The following CSMD1 variants were observed in gnomAD, a reference collection of about 807,000 sequenced individuals.
CSMD1 encodes CUB and sushi domain-containing protein 1.
In CSMD1, 213 loss-of-function variants were observed where a neutral mutation model predicts 417.5. The observed-to-expected ratio is 0.51, with a 90% confidence interval of 0.46 to 0.57. The LOEUF is 0.57. Ranked by LOEUF, CSMD1 falls within the 20% of genes least tolerant of loss-of-function variation. The probability of loss-of-function intolerance (pLI) is 0.00; values close to 1 mark genes in which losing one functional copy is unlikely to be tolerated. For synonymous variants in CSMD1, 2,862 were observed against 1,736.8 expected, an observed-to-expected ratio of 1.65 and a Z score of -16.11; for missense variants, 6,923 against 4,529.7, an observed-to-expected ratio of 1.53 and a Z score of -15.17.
intron 1 of CSMD1, among the ~76,000 whole-genome samples, chr8:4,653,993 C>G (rs185540514): frequency 1.3e-5 from 2 of 152,088 alleles, no homozygotes; most frequent in East Asian, 1.9e-4. Flanking sequence ...AGGTTCCATT[C>G]AAATATAAAG....
At chr8:4,221,558 C>G (rs1026994610) in intron 3 of CSMD1, among the ~76,000 whole-genome samples, 1 of 152,078 alleles carries the variant, frequency 6.6e-6, no homozygotes, top group Non-Finnish European at 1.5e-5. Context: ...AGCAGGAGGC[C>G]TCAGATGTGT....
At chr8:4,851,981 G>C (rs1024036583) in intron 1 of CSMD1, among the ~76,000 whole-genome samples, 51 of 152,236 alleles carry the variant, frequency 3.4e-4, no homozygotes, top group African/African-American at 1.2e-3. Context: ...TTTCCCTATA[G>C]ATTTAATCTC....
intron 1 of CSMD1, among the ~76,000 whole-genome samples, chr8:4,683,970 A>C (rs1806211902): frequency 6.6e-6 from 1 of 152,226 alleles, no homozygotes; most frequent in African/African-American, 2.4e-5. Flanking sequence ...TCACAGTGAA[A>C]TCTGAGAAAA....
chr8:3,759,703 G>C (rs908541529), intron 5 of CSMD1, among the ~76,000 whole-genome samples: 1 of 146,118 alleles, frequency 6.8e-6, no homozygotes, highest in Non-Finnish European at 1.5e-5. Flanking sequence ...AGACCAGCCT[G>C]AGCAATATGG....
intron 8 of CSMD1, among the ~76,000 whole-genome samples, chr8:3,610,882 T>A (rs1272484093): frequency 6.6e-6 from 1 of 151,936 alleles, no homozygotes; most frequent in Non-Finnish European, 1.5e-5. Context: ...TGAGTTGCCT[T>A]TTCCATTGAC....
chr8:3,485,645 A>T (rs1463238664), intron 11 of CSMD1, among the ~76,000 whole-genome samples: 1 of 151,954 alleles, frequency 6.6e-6, no homozygotes, highest in Non-Finnish European at 1.5e-5. Flanking sequence ...TGGTTATCCC[A>T]GCTACTCCTG....
intron 3 of CSMD1, among the ~76,000 whole-genome samples, chr8:4,259,088 T>C (rs1216920730): frequency 6.6e-6 from 1 of 152,296 alleles, no homozygotes; most frequent in East Asian, 1.9e-4. Flanking sequence ...GATTTTGATG[T>C]AGCATTTACC....
chr8:4,542,453 C>A (rs1367894861), intron 2 of CSMD1, among the ~76,000 whole-genome samples: 2 of 152,124 alleles, frequency 1.3e-5, no homozygotes, highest in Admixed American at 1.3e-4. Flanking sequence ...GTTCTGAGAA[C>A]AATGGGATAT....
intron 1 of CSMD1, among the ~76,000 whole-genome samples, chr8:4,969,090 A>C (rs1444404608): frequency 6.6e-6 from 1 of 152,068 alleles, no homozygotes; most frequent in Non-Finnish European, 1.5e-5. Flanking sequence ...CAGCTCACTG[A>C]CCTGGTGGTT....
intron 3 of CSMD1, among the ~76,000 whole-genome samples, chr8:4,070,922 T>C (rs2552121): frequency 0.15 from 23,402 of 152,214 alleles, 1,898 homozygotes; most frequent in South Asian, 0.36. Context: ...TGATGTTGTT[T>C]TCTATGGATG....
chr8:4,870,743 T>C (rs1034911583), intron 1 of CSMD1, among the ~76,000 whole-genome samples: 19 of 152,120 alleles, frequency 1.2e-4, no homozygotes, highest in Admixed American at 4.6e-4. Flanking sequence ...CATTTAACTA[T>C]GTGAGCCTGC....
intron 10 of CSMD1, among the ~76,000 whole-genome samples, chr8:3,539,821 G>C (rs751502302): frequency 6.6e-6 from 1 of 150,464 alleles, no homozygotes; most frequent in Non-Finnish European, 1.5e-5. Context: ...GAAAACTCTA[G>C]ACGTGTTAAG....
intron 2 of CSMD1, among the ~76,000 whole-genome samples, chr8:4,606,985 T>G (rs1202798899): frequency 2.0e-5 from 3 of 152,196 alleles, no homozygotes; most frequent in Admixed American, 2.0e-4. Flanking sequence ...CAAGTTAAAT[T>G]TTTTCATGTG....
chr8:4,224,445 T>C (rs1801225474), intron 3 of CSMD1, among the ~76,000 whole-genome samples: 1 of 152,162 alleles, frequency 6.6e-6, no homozygotes, highest in African/African-American at 2.4e-5. Context: ...AAGCTTATTC[T>C]CAGAGGCCAG....
At chr8:2,981,238 C>T (rs1282971265) in intron 54 of CSMD1, among the ~76,000 whole-genome samples, 2 of 152,198 alleles carry the variant, frequency 1.3e-5, no homozygotes, top group Non-Finnish European at 2.9e-5. Flanking sequence ...TAGTGACCAA[C>T]CAATCCACAC....
At chr8:3,075,963 A>G (rs1430080399) in intron 49 of CSMD1, among the ~76,000 whole-genome samples, 3 of 151,514 alleles carry the variant, frequency 2.0e-5, no homozygotes, top group Admixed American at 1.3e-4. Context: ...AGGCAGGAGA[A>G]TGGCATGAAC....
rs183357456 is a variant in CSMD1, at chr8:3,991,430, G to C, written c.818+6473C>G. ...TCACATCTTTATGCGACAGCTTCAT[G>C]GTAACATCAGCTTGTCATTCATGTG... On this transcript the variant is annotated intron_variant, in intron 5 of 69. Transcript: ENST00000635120. Among the ~76,000 whole-genome samples the C allele has an allele frequency of 5.5e-4, 83 of 152,260 alleles. No homozygotes were observed. In the East Asian group the frequency reaches 9.7e-3, roughly 18 times the overall value.
chr8:3,227,317 C>G (rs576309927), intron 27 of CSMD1, among the ~76,000 whole-genome samples: 1 of 18,460 alleles, frequency 5.4e-5, no homozygotes, highest in Admixed American at 9.0e-4. Flanking sequence ...AGGAGAATCA[C>G]TGGAACACGG....
At chr8:4,132,853 C>T (rs557504757) in intron 3 of CSMD1, among the ~76,000 whole-genome samples, 2 of 152,146 alleles carry the variant, frequency 1.3e-5, no homozygotes, top group Non-Finnish European at 2.9e-5. Context: ...CTCAAGACAA[C>T]TAGGATATAT....
Sources: allele counts gnomAD v4.1 joint callset (sites outside exome capture counted in the v4.1 genomes callset), GRCh38; gene constraint gnomAD v4.1.1; transcripts MANE v1.5; gene names NCBI Gene and HGNC (gene_info 2026-07-23, HGNC 2026-07-21).